ZNF23: variants seen among roughly 807,000 people sequenced by gnomAD.
The protein encoded by ZNF23 is zinc finger protein 23.
A neutral mutation model predicts 56.2 loss-of-function variants in ZNF23; 48 were observed. That is an observed-to-expected ratio of 0.85 (90% CI 0.68 to 1.09). The LOEUF (loss-of-function observed/expected upper bound fraction) is 1.09, where lower values mean the gene tolerates loss of function less well. Among genes scored for constraint, ZNF23 ranks in the 50% least tolerant of loss-of-function variants. ZNF23 has a pLI of 0.00. For missense variants in ZNF23, 805 were observed against 811.4 expected (o/e 0.99, Z 0.10); for synonymous variants, 266 against 283.3 (o/e 0.94, Z 0.61).
Position 71,448,622 on chromosome 16 carries a change from C to T in ZNF23, c.1532G>A (p.Arg511Lys). The stretch of plus-strand genomic sequence containing the variant: ...AAAAGGTTTCTCCCCAGTGTGAATT[C>T]TCTGATGCCGCATTAGTTTCCCATT... ...SVNGKLMRHQ[R>K]IHTGEKPFEC... The change falls in exon 5 of 5, where the codon AGA becomes AAA. Residue 511 changes from arginine (R) to lysine (K), a missense_variant. Physicochemically the swap from Arg to Lys is conservative, Grantham distance 26. Transcript: ENST00000647773. The T allele has an allele frequency of 1.2e-6, 2 of 1,614,150 alleles. No individual in the cohort carries two copies. Among genetic ancestry groups the T allele is most frequent in the Non-Finnish European group, 1.7e-6 (2 of 1,180,024 alleles).
At position 71,449,287 on chromosome 16, in the gene ZNF23, G is replaced by A; in HGVS notation, c.867C>T (p.His289=). The A allele has an allele frequency of 6.2e-7, 1 of 1,614,200 alleles. No homozygotes were observed. Among genetic ancestry groups the A allele is most frequent in the Non-Finnish European group, 8.5e-7 (1 of 1,180,032 alleles). ...SSHYITHQTI[H]SGEKPYQCKM... ...TACACTGATAGGGCTTCTCCCCACT[G>A]TGGATTGTCTGATGTGTGATATAAT... is the stretch of plus-strand genomic sequence containing the variant. The change falls in exon 5 of 5, where the codon CAC becomes CAT. Residue 289 remains histidine (H), a synonymous_variant. Coordinates refer to ENST00000647773, the MANE Select transcript of ZNF23 (RefSeq NM_001381984.1).
At chr16:71,454,255 G>A (rs2043149365) in intron 2 of ZNF23, 87 bp from the exon 3 acceptor site, 1 of 1,497,112 alleles carries the variant, frequency 6.7e-7, no homozygotes, top group South Asian at 1.4e-5. Flanking sequence ...AGGGCTTGGG[G>A]AGGGTGCTTG....
In ZNF23 at chr16:71,462,196, A is replaced by T. The variant is rs963340957; in HGVS notation, c.-33+14T>A. ...ACAGGGCACGGCACACAGCGCCCGG[A>T]GCCCTGCACTCACCTCCGTAGCGGA... is the stretch of plus-strand genomic sequence containing the variant. On this transcript the variant is annotated intron_variant, in intron 1 of 4. Coordinates refer to ENST00000647773, the MANE Select transcript of ZNF23 (RefSeq NM_001381984.1). 3 of 152,292 alleles carry T rather than the reference A, an allele frequency of 2.0e-5. No individual in the cohort carries two copies. The highest frequency in any genetic ancestry group is 7.2e-5 in the African/African-American group (3 of 41,458). 9.4% of individuals were successfully genotyped at this position (152,292 alleles called of 1,614,324 possible). A position where few individuals can be genotyped will look rare whatever the true frequency, so the allele number is the denominator to read the frequency against.
At chr16:71,454,585 T>A (rs2043160451) in intron 2 of ZNF23, among the ~76,000 whole-genome samples, 1 of 151,896 alleles carries the variant, frequency 6.6e-6, no homozygotes, top group South Asian at 2.1e-4. Context: ...TCCTCACAGC[T>A]CAAGCCACCC....
Position 71,448,517 on chromosome 16 carries a change from G to A in ZNF23, c.1637C>T (p.Pro546Leu). ...TTTCCCACATTCCTTACATTGATAG[G>A]GCTTTTCTCCAGTATGGATTCGGTG... Reference protein sequence around the residue: ...DHHRIHTGEKPYQCKECGKAF... With the variant: ...DHHRIHTGEKLYQCKECGKAF... Residue 546 changes from proline to leucine, a missense_variant, in exon 5 of 5, where the codon CCC becomes CTC. Transcript: ENST00000647773. The A allele has an allele frequency of 6.2e-7, 1 of 1,614,064 alleles. No homozygotes were observed. The highest frequency in any genetic ancestry group is 1.3e-5 in the African/African-American group (1 of 74,992).
chr16:71,450,877 G>A (rs1270870350), intron 4 of ZNF23: 3 of 208,210 alleles, frequency 1.4e-5, no homozygotes, highest in Non-Finnish European at 3.0e-5. Flanking sequence ...GGAAAATGCT[G>A]AAGAAGGAAA....
rs760506311 is a variant in ZNF23 at position 71,449,934 on chromosome 16, A to T, written c.269-49T>A. 31 of 1,444,092 alleles carry T rather than the reference A, an allele frequency of 2.1e-5. 1 individual carries two copies. In the South Asian group the frequency reaches 4.3e-4, roughly 20 times the overall value. 89.5% of individuals were successfully genotyped at this position (1,444,092 alleles called of 1,614,324 possible). On this transcript the variant is annotated intron_variant, in intron 4 of 4. Coordinates refer to ENST00000647773, the MANE Select transcript of ZNF23 (RefSeq NM_001381984.1). ...ATGTCATGTAAGAACCATGTTAGGA[A>T]AAAGAAGAGAACTGTGCTATAAAAG... is the stretch of plus-strand genomic sequence containing the variant.
rs147418257 is a variant in ZNF23 at position 71,459,991 on chromosome 16, A to G, written c.-33+2219T>C. Reference sequence around the variant, plus strand: ...GATAGCTACCCCGCTCAGCTAGTCAAGGGTGTATACCTGCTGCCTGAACCT... The same window carrying G: ...GATAGCTACCCCGCTCAGCTAGTCAGGGGTGTATACCTGCTGCCTGAACCT... On this transcript the variant is annotated intron_variant, in intron 1 of 4. Transcript: ENST00000647773. 4.4e-4 allele frequency among the ~76,000 whole-genome samples: 67 copies of G among 152,358 alleles called. 2 individuals are homozygous for G. In the East Asian group the frequency reaches 0.012, roughly 27 times the overall value.
intron 4 of ZNF23, chr16:71,450,099 T>A (rs534320048): frequency 2.4e-6 from 1 of 408,460 alleles, no homozygotes; most frequent in East Asian, 3.8e-5. Flanking sequence ...TAAAAAGACA[T>A]CCAAGATACA....
chr16:71,461,954 GGCCTCGTGGCTGGGACA>G (rs760004586), intron 1 of ZNF23: 2 of 152,296 alleles, frequency 1.3e-5, no homozygotes, highest in African/African-American at 4.8e-5. Context: ...AAATGCTCAG[GGCCTCGTGGCTGGGACA>G]GCAACGTGCG....
In ZNF23 at chr16:71,448,017, T is replaced by C. The variant is rs1455661057; in HGVS notation, c.*76A>G. Reference sequence around the variant, plus strand: ...GCCATATTCATGCCCTCTTGGAGGTTTTTCAATGGATGAATCTGATGATAC... The same window carrying C: ...GCCATATTCATGCCCTCTTGGAGGTCTTTCAATGGATGAATCTGATGATAC... On this transcript the variant is annotated 3_prime_UTR_variant, in exon 5 of 5. Coordinates refer to ENST00000647773, the MANE Select transcript of ZNF23 (RefSeq NM_001381984.1). The C allele has an allele frequency of 7.9e-7, 1 of 1,269,350 alleles. No individual in the cohort carries two copies. Among genetic ancestry groups the C allele is most frequent in the African/African-American group, 1.5e-5 (1 of 66,564 alleles). 78.6% of individuals were successfully genotyped at this position (1,269,350 alleles called of 1,614,324 possible).
intron 4 of ZNF23, chr16:71,451,870 A>T (rs543134805): frequency 2.0e-5 from 3 of 152,340 alleles, no homozygotes; most frequent in African/African-American, 7.2e-5. Context: ...TCTCGTTTTC[A>T]CTTTCCTCTC....
chr16:71,457,940 C>A (rs2043300235), intron 1 of ZNF23, among the ~76,000 whole-genome samples: 1 of 152,136 alleles, frequency 6.6e-6, no homozygotes, highest in Admixed American at 6.5e-5. Flanking sequence ...GGGAGTCAGA[C>A]CCCAGGGAGG....
At chr16:71,461,159 G>A (rs958049233) in intron 1 of ZNF23, among the ~76,000 whole-genome samples, 3 of 152,132 alleles carry the variant, frequency 2.0e-5, no homozygotes, top group African/African-American at 7.2e-5. Flanking sequence ...GTTACCTCTA[G>A]GGGTTGGAGG....
chr16:71,448,414 A>T lies in ZNF23; in HGVS notation c.1740T>A (p.Cys580Ter), dbSNP rs1474528626. ...TGEKPFKCME[C>*]EKAFSCSSNY... Reference sequence around the variant, plus strand: ...TAGAACTACAGCTGAATGCTTTCTCACATTCCATACATTTGAAAGGTTTCT... The same window carrying T: ...TAGAACTACAGCTGAATGCTTTCTCTCATTCCATACATTTGAAAGGTTTCT... Residue 580 changes from cysteine (C) to a stop codon, truncating the protein, a stop_gained, in exon 5 of 5, where the codon TGT (cysteine) becomes TGA (stop). Transcript: ENST00000647773. LOFTEE classifies it high-confidence loss of function. 2 of 1,614,040 alleles carry T rather than the reference A, an allele frequency of 1.2e-6. No individual in the cohort carries two copies. Among genetic ancestry groups the T allele is most frequent in the African/African-American group, 2.7e-5 (2 of 74,950 alleles).
At chr16:71,456,166 G>T in intron 2 of ZNF23, 1 of 421,574 alleles carries the variant, frequency 2.4e-6, no homozygotes. Context: ...ATGTTCTGCA[G>T]GTTCCCCGCA....
intron 2 of ZNF23, chr16:71,456,087 G>A (rs1433002399): frequency 4.4e-6 from 2 of 454,650 alleles, no homozygotes; most frequent in Admixed American, 2.4e-5. Context: ...GTCCATGGAA[G>A]TCCATGGATG....
At chr16:71,453,958 G>C (rs1049201378) in intron 3 of ZNF23, 84 bp downstream of exon 3, 19 of 1,465,780 alleles carry the variant, frequency 1.3e-5, no homozygotes, top group Non-Finnish European at 1.8e-5. Flanking sequence ...GATTACCAGA[G>C]ATCCCCTCAG....
chr16:71,449,479 T>C lies in ZNF23; in HGVS notation c.675A>G (p.Gln225=), dbSNP rs770863468. 3 of 1,614,078 alleles carry C rather than the reference T, an allele frequency of 1.9e-6. No individual in the cohort carries two copies. Among genetic ancestry groups the C allele is most frequent in the Non-Finnish European group, 2.5e-6 (3 of 1,180,038 alleles). ...TGTTGTTCTCTTGATGTTGAATAAG[T>C]TGAGAGTCACACCTAAAGGGCTCTA... ...ELVEPFRCDS[Q]LIQHQENNTE... The change falls in exon 5 of 5, where the codon CAA becomes CAG. Residue 225 remains glutamine, a synonymous_variant. Coordinates refer to ENST00000647773, the MANE Select transcript of ZNF23 (RefSeq NM_001381984.1).
Sources: allele counts gnomAD v4.1 joint callset (sites outside exome capture counted in the v4.1 genomes callset), GRCh38; gene constraint gnomAD v4.1.1; transcripts MANE v1.5; gene names NCBI Gene and HGNC (gene_info 2026-07-23, HGNC 2026-07-21).